Variants in STK10 observed in about 807,000 individuals in gnomAD.
The protein encoded by STK10 is serine/threonine kinase 10.
STK10 carries 78 observed loss-of-function variants against 113.8 expected under a neutral mutation model. That is an observed-to-expected ratio of 0.69 (90% CI 0.57 to 0.83). STK10 has a LOEUF of 0.83. Among genes scored for constraint, STK10 ranks in the 40% least tolerant of loss-of-function variants. The pLI is 0.00. For synonymous variants in STK10, 465 were observed against 494.7 expected (o/e 0.94, Z 0.80); for missense variants, 1,109 against 1,280.1 (o/e 0.87, Z 2.04).
chr5:172,159,216 C>A (rs79172038), intron 1 of STK10, among the ~76,000 whole-genome samples: 14,306 of 152,190 alleles, frequency 0.094, 914 homozygotes, highest in African/African-American at 0.19. Flanking sequence ...AACATCTCAC[C>A]CACCCTGCTG....
At chr5:172,090,473 CAG>C (rs1303899259) in intron 9 of STK10, 111 bp from the exon 10 acceptor site, 2 of 1,442,182 alleles carry the variant, frequency 1.4e-6, no homozygotes, top group African/African-American at 2.9e-5. Flanking sequence ...GAACCACCCC[CAG>C]AGAGATGTGG....
At chr5:172,148,664 A>T (rs1048358876) in intron 2 of STK10, among the ~76,000 whole-genome samples, 26 of 152,294 alleles carry the variant, frequency 1.7e-4, no homozygotes, top group Middle Eastern at 3.4e-3. Context: ...ATTCTGCCGG[A>T]CGATGGCCCC....
chr5:172,091,125 A>G (rs1004437124), intron 9 of STK10, among the ~76,000 whole-genome samples: 74 of 152,054 alleles, frequency 4.9e-4, no homozygotes, highest in African/African-American at 1.8e-3. Context: ...AACACATGGC[A>G]GGCACACAGA....
rs546584414 is a variant in STK10, at chr5:172,114,473, A to ATTTTT, written c.520+3003_520+3007dup. 28 of 47,548 alleles carry ATTTTT rather than the reference A, an allele frequency of 5.9e-4. 2 individuals are homozygous for ATTTTT. Among genetic ancestry groups the ATTTTT allele is most frequent in the Non-Finnish European group, 8.0e-4 (25 of 31,374 alleles). 2.9% of individuals were successfully genotyped at this position (47,548 alleles called of 1,614,324 possible). On this transcript the variant is annotated intron_variant, in intron 4 of 18. Transcript: ENST00000176763. ...ATTATATATATATATATATATATAT[A>ATTTTT]TTTTTTTTTTTTTTTTTTTTTTTTT...
chr5:172,130,762 A>C (rs1398101002), intron 2 of STK10, among the ~76,000 whole-genome samples: 2 of 152,126 alleles, frequency 1.3e-5, no homozygotes, highest in African/African-American at 4.8e-5. Flanking sequence ...CTCCAACTTC[A>C]TTGAGAAAGT....
chr5:172,118,861 A>AAC (rs981788119), intron 3 of STK10, among the ~76,000 whole-genome samples: 1 of 140,738 alleles, frequency 7.1e-6, no homozygotes, highest in African/African-American at 2.8e-5. Context: ...CCTGGGTGAC[A>AAC]GAGCGAGACT....
intron 13 of STK10, among the ~76,000 whole-genome samples, chr5:172,062,152 A>G (rs545047040): frequency 1.3e-5 from 2 of 151,820 alleles, no homozygotes; most frequent in African/African-American, 2.4e-5. Context: ...TAACTTTTGT[A>G]TTTTTAGTAG....
chr5:172,087,882 C>A (rs1439662290), intron 10 of STK10, among the ~76,000 whole-genome samples: 1 of 102,278 alleles, frequency 9.8e-6, no homozygotes, highest in Non-Finnish European at 2.1e-5. Flanking sequence ...CCCGCCTCGG[C>A]CTCCCAAAGT....
chr5:172,065,548 C>T (rs1006511332), intron 12 of STK10, among the ~76,000 whole-genome samples: 3 of 152,114 alleles, frequency 2.0e-5, no homozygotes, highest in Non-Finnish European at 4.4e-5. Flanking sequence ...TTAGTATCCC[C>T]CTTGTCAGCC....
intron 18 of STK10, among the ~76,000 whole-genome samples, chr5:172,048,413 C>CCACACACACACACACACA: frequency 5.3e-5 from 2 of 37,958 alleles, no homozygotes; most frequent in Non-Finnish European, 1.1e-4. Flanking sequence ...CTCCCTCTCC[C>CCACACACACACACACACA]TACACACACA....
chr5:172,148,055 TG>T (rs1376073397), intron 2 of STK10, among the ~76,000 whole-genome samples: 1 of 152,146 alleles, frequency 6.6e-6, no homozygotes, highest in East Asian at 1.9e-4. Flanking sequence ...ATGCCTGGCT[TG>T]GAGTCATACC....
intron 7 of STK10, among the ~76,000 whole-genome samples, chr5:172,098,230 A>G (rs1382332183): frequency 6.6e-6 from 1 of 152,220 alleles, no homozygotes; most frequent in African/African-American, 2.4e-5. Flanking sequence ...CTGTTTGTTC[A>G]TTTAAAACAG....
intron 9 of STK10, 87 bp from the exon 10 acceptor site, chr5:172,090,449 G>C (rs892594028): frequency 6.5e-7 from 1 of 1,527,636 alleles, no homozygotes; most frequent in South Asian, 1.3e-5. Context: ...AGCTCTGCTG[G>C]GCCCACAGCT....
chr5:172,135,571 C>A (rs1232729378), intron 2 of STK10, among the ~76,000 whole-genome samples: 3 of 152,120 alleles, frequency 2.0e-5, no homozygotes, highest in African/African-American at 7.2e-5. Context: ...TTGGAACCTT[C>A]ATACACTGAT....
chr5:172,117,745 T>A, intron 3 of STK10, 115 bp from the exon 4 acceptor site: 1 of 1,411,862 alleles, frequency 7.1e-7, no homozygotes, highest in Non-Finnish European at 9.6e-7. Context: ...CCAGGCGTGG[T>A]GGCTCACGCC....
intron 3 of STK10, among the ~76,000 whole-genome samples, chr5:172,121,381 T>C (rs1275679597): frequency 1.3e-5 from 2 of 152,024 alleles, no homozygotes; most frequent in Admixed American, 1.3e-4. Context: ...TCCCACTCTG[T>C]TGCTCAGGCT....
At chr5:172,182,462 C>T (rs1481070592) in intron 1 of STK10, among the ~76,000 whole-genome samples, 1 of 151,212 alleles carries the variant, frequency 6.6e-6, no homozygotes, top group African/African-American at 2.4e-5. Context: ...TGGCTCACCA[C>T]AACCTCTGCC....
At chr5:172,166,759 A>T (rs1770578853) in intron 1 of STK10, among the ~76,000 whole-genome samples, 1 of 152,234 alleles carries the variant, frequency 6.6e-6, no homozygotes, top group South Asian at 2.1e-4. Context: ...ATAGAAACTG[A>T]TTCAATCTTT....
At chr5:172,131,034 T>TC in intron 2 of STK10, among the ~76,000 whole-genome samples, 1 of 139,912 alleles carries the variant, frequency 7.1e-6, no homozygotes, top group East Asian at 2.0e-4. Flanking sequence ...CATCAGCTGT[T>TC]TTTTTTTTTT....
Sources: gnomAD v4.1 joint callset for allele counts (sites outside exome capture counted in the v4.1 genomes callset) on GRCh38, gnomAD v4.1.1 for gene constraint, MANE v1.5 for transcripts, NCBI Gene and HGNC (gene_info 2026-07-23, HGNC 2026-07-21) for gene names.